The following TMPRSS11F variants were observed in gnomAD, a reference collection of about 807,000 sequenced individuals.
TMPRSS11F encodes transmembrane serine protease 11F.
In TMPRSS11F, 47 loss-of-function variants were observed where a neutral mutation model predicts 60.2. That is an observed-to-expected ratio of 0.78 (90% CI 0.62 to 1.00). The LOEUF (loss-of-function observed/expected upper bound fraction) is 1.00. TMPRSS11F is among the 50% of genes least tolerant of loss of function. The probability of loss-of-function intolerance (pLI) is 0.00; values close to 1 mark genes in which losing one functional copy is unlikely to be tolerated. For synonymous variants in TMPRSS11F, 166 were observed against 167.3 expected, an observed-to-expected ratio of 0.99 and a Z score of 0.06; for missense variants, 519 against 522.9, an observed-to-expected ratio of 0.99 and a Z score of 0.07.
intron 2 of TMPRSS11F, 43 bp from the exon 3 acceptor site, chr4:68,090,684 A>T (rs760535627): frequency 6.4e-7 from 1 of 1,565,470 alleles, no homozygotes; most frequent in South Asian, 1.2e-5. Context: ...TAAAGGTAAT[A>T]AGTTGTTTTG....
At chr4:68,058,602 G>C (rs948010997) in intron 9 of TMPRSS11F, among the ~76,000 whole-genome samples, 1 of 152,106 alleles carries the variant, frequency 6.6e-6, no homozygotes, top group Non-Finnish European at 1.5e-5. Flanking sequence ...TGGAGAAACA[G>C]GAAATAAGCT....
At chr4:68,079,064 A>G (rs1352942157) in intron 3 of TMPRSS11F, among the ~76,000 whole-genome samples, 1 of 68,086 alleles carries the variant, frequency 1.5e-5, no homozygotes. Flanking sequence ...AAAATGGCAT[A>G]TTCTGGTATA....
In TMPRSS11F at chr4:68,053,847, A is replaced by G. The variant is rs539016730; in HGVS notation, c.*62T>C. The G allele has an allele frequency of 1.3e-6, 2 of 1,491,770 alleles. No individual in the cohort carries two copies. The highest frequency in any genetic ancestry group is 2.8e-5 in the African/African-American group (2 of 72,176). The allele number at this position is 1,491,770 out of a possible 1,614,324, so 92.4% of individuals were successfully genotyped here. ...AATCCAAAGTAAATGAATTTAAACAATACAAAATACGCAGGAGTATCAGCT... is the reference window on the plus strand; with the variant it reads ...AATCCAAAGTAAATGAATTTAAACAGTACAAAATACGCAGGAGTATCAGCT... On this transcript the variant is annotated 3_prime_UTR_variant, in exon 10 of 10. Transcript: ENST00000356291.
chr4:68,084,535 A>G (rs1382236078), intron 3 of TMPRSS11F, among the ~76,000 whole-genome samples: 1 of 152,176 alleles, frequency 6.6e-6, no homozygotes, highest in African/African-American at 2.4e-5. Context: ...AGAAATTCCT[A>G]CCAAGAACTT....
intron 3 of TMPRSS11F, among the ~76,000 whole-genome samples, chr4:68,087,627 A>T (rs1226680231): frequency 6.6e-6 from 1 of 152,188 alleles, no homozygotes; most frequent in East Asian, 1.9e-4. Flanking sequence ...TCACAAAAAA[A>T]GCTCCCAGAA....
intron 1 of TMPRSS11F, among the ~76,000 whole-genome samples, chr4:68,126,080 G>A (rs1724708082): frequency 6.6e-6 from 1 of 151,982 alleles, no homozygotes; most frequent in Admixed American, 6.6e-5. Flanking sequence ...ATATATATTT[G>A]CTTAATTATT....
chr4:68,080,011 T>C (rs906385517), intron 3 of TMPRSS11F: 2 of 152,222 alleles, frequency 1.3e-5, no homozygotes, highest in African/African-American at 4.8e-5. Flanking sequence ...GGTTCACCCA[T>C]GAAAATAATC....
intron 1 of TMPRSS11F, among the ~76,000 whole-genome samples, chr4:68,126,948 G>A (rs192223979): frequency 1.6e-4 from 24 of 152,294 alleles, no homozygotes; most frequent in African/African-American, 5.8e-4. Context: ...CAACAAATAC[G>A]TAGGCAGTCT....
At chr4:68,120,174 A>G (rs1724596408) in intron 1 of TMPRSS11F, among the ~76,000 whole-genome samples, 2 of 152,170 alleles carry the variant, frequency 1.3e-5, no homozygotes, top group Admixed American at 6.5e-5. Flanking sequence ...ATCAAAAAAG[A>G]AAGTGGTTTT....
intron 1 of TMPRSS11F, among the ~76,000 whole-genome samples, chr4:68,125,092 C>A (rs1289275588): frequency 6.6e-6 from 1 of 151,536 alleles, no homozygotes; most frequent in Non-Finnish European, 1.5e-5. Context: ...GAAAAGACTT[C>A]ATAAACTTGA....
chr4:68,054,333 C>G (rs1722999062), intron 9 of TMPRSS11F, among the ~76,000 whole-genome samples: 1 of 151,742 alleles, frequency 6.6e-6, no homozygotes, highest in Admixed American at 6.6e-5. Flanking sequence ...CTAGTTTGAA[C>G]AGGCCTGTTT....
At chr4:68,119,117 A>G (rs1309063236) in intron 1 of TMPRSS11F, among the ~76,000 whole-genome samples, 1 of 152,150 alleles carries the variant, frequency 6.6e-6, no homozygotes, top group African/African-American at 2.4e-5. Flanking sequence ...TGGGCTGGAT[A>G]GAAGATCAAA....
At chr4:68,084,737 CTTT>C (rs901734657) in intron 3 of TMPRSS11F, among the ~76,000 whole-genome samples, 78 of 151,294 alleles carry the variant, frequency 5.2e-4, no homozygotes, top group African/African-American at 1.9e-3. Context: ...TTTTTATGTT[CTTT>C]TTTTTTATTA....
chr4:68,124,084 G>A (rs1386747018), intron 1 of TMPRSS11F, among the ~76,000 whole-genome samples: 1 of 151,832 alleles, frequency 6.6e-6, no homozygotes, highest in African/African-American at 2.4e-5. Context: ...AGCCAGGTGC[G>A]GTGGTGCACG....
At chr4:68,097,002 T>G (rs1273884954) in intron 2 of TMPRSS11F, among the ~76,000 whole-genome samples, 2 of 152,214 alleles carry the variant, frequency 1.3e-5, no homozygotes, top group East Asian at 1.9e-4. Flanking sequence ...AACTGCATCA[T>G]CTTATATACC....
intron 2 of TMPRSS11F, among the ~76,000 whole-genome samples, chr4:68,095,945 C>A (rs1030946163): frequency 6.7e-6 from 1 of 148,800 alleles, no homozygotes; most frequent in Non-Finnish European, 1.5e-5. Context: ...AGTGGTTCTG[C>A]ATCTGCATAG....
intron 8 of TMPRSS11F, chr4:68,063,022 G>A (rs1837215): frequency 0.73 from 490,764 of 674,486 alleles, 183,524 homozygotes; most frequent in East Asian, 0.87. Context: ...TTTCTGACAC[G>A]CTCATTTGGG....
At chr4:68,073,451 A>G (rs1178494734) in intron 4 of TMPRSS11F, among the ~76,000 whole-genome samples, 1 of 152,156 alleles carries the variant, frequency 6.6e-6, no homozygotes, top group Non-Finnish European at 1.5e-5. Context: ...GGGAGGAGAG[A>G]AAAGTGGAAA....
intron 3 of TMPRSS11F, among the ~76,000 whole-genome samples, chr4:68,087,396 G>A (rs1253613866): frequency 6.6e-6 from 1 of 152,048 alleles, no homozygotes; most frequent in Non-Finnish European, 1.5e-5. Flanking sequence ...CAAACCCACA[G>A]CCAACATCAC....
Sources: allele counts gnomAD v4.1 joint callset (sites outside exome capture counted in the v4.1 genomes callset), GRCh38; gene constraint gnomAD v4.1.1; transcripts MANE v1.5; gene names NCBI Gene and HGNC (gene_info 2026-07-23, HGNC 2026-07-21).